MAGI1: variants seen among roughly 807,000 people sequenced by gnomAD.
MAGI1 encodes the protein membrane-associated guanylate kinase, WW and PDZ domain-containing protein 1.
MAGI1 carries 58 observed loss-of-function variants against 139.9 expected under a neutral mutation model. That is an observed-to-expected ratio of 0.41 (90% CI 0.34 to 0.52). The LOEUF (loss-of-function observed/expected upper bound fraction) is 0.52, where lower values mean the gene tolerates loss of function less well. Among genes scored for constraint, MAGI1 ranks in the 20% least tolerant of loss-of-function variants. The pLI, the probability that MAGI1 is intolerant of heterozygous loss-of-function variation, is 0.12. For missense variants in MAGI1, 1,874 were observed against 1,901.6 expected (o/e 0.99, Z 0.27); for synonymous variants, 812 against 737.9 (o/e 1.10, Z -1.63).
rs191922032 is a variant in MAGI1, at chr3:65,689,222, T to C, written c.314-67134A>G. On this transcript the variant is annotated intron_variant, in intron 1 of 22. Transcript: ENST00000402939. ...TACTTGATAAAGCATTCCACCTTAC[T>C]GCTTCTCACAAGGAAATATGCCTTA... 4.5e-3 allele frequency among the ~76,000 whole-genome samples: 689 copies of C among 152,336 alleles called. 3 individuals carry two copies. Among genetic ancestry groups the C allele is most frequent in the Non-Finnish European group, 7.3e-3 (498 of 68,028 alleles).
rs1287530432 is a variant in MAGI1, at chr3:65,943,572, C to CAA, written c.313+94422_313+94423dup. 1.5e-4 allele frequency among the ~76,000 whole-genome samples: 17 copies of CAA among 115,304 alleles called. No homozygotes were observed. In the East Asian group the frequency reaches 4.2e-3, roughly 29 times the overall value. The allele number at this position is 115,304 out of a possible 152,430, so 75.6% of individuals were successfully genotyped here. ...CAGGTGACAGTGCGAGACTCCATCT[C>CAA]AAAAAAAAAAAAAACTTCTCAGGAA... On this transcript the variant is annotated intron_variant, in intron 1 of 22. Coordinates refer to ENST00000402939, the MANE Select transcript of MAGI1 (RefSeq NM_001033057.2).
At chr3:65,903,810 C>A (rs1352703640) in intron 1 of MAGI1, among the ~76,000 whole-genome samples, 1 of 152,134 alleles carries the variant, frequency 6.6e-6, no homozygotes. Flanking sequence ...GAGGTCAAAA[C>A]CAGCCTGGCC....
chr3:65,366,938 A>C (rs1280666509), intron 18 of MAGI1, among the ~76,000 whole-genome samples: 1 of 152,216 alleles, frequency 6.6e-6, no homozygotes, highest in African/African-American at 2.4e-5. Flanking sequence ...AGGGCAGTTA[A>C]CCAGCAGAAC....
chr3:66,006,972 A>T (rs1322588648), intron 1 of MAGI1, among the ~76,000 whole-genome samples: 1 of 151,988 alleles, frequency 6.6e-6, no homozygotes, highest in East Asian at 1.9e-4. Context: ...CTAGAACTAC[A>T]GGTGCATGTC....
At chr3:65,589,981 A>G (rs1039962179) in intron 2 of MAGI1, among the ~76,000 whole-genome samples, 1 of 152,166 alleles carries the variant, frequency 6.6e-6, no homozygotes, top group African/African-American at 2.4e-5. Flanking sequence ...TTGCACACTC[A>G]ACGATCCATG....
chr3:65,388,424 G>T (rs1422449504), intron 14 of MAGI1, among the ~76,000 whole-genome samples: 1 of 151,944 alleles, frequency 6.6e-6, no homozygotes, highest in Non-Finnish European at 1.5e-5. Context: ...TTACTGTCTT[G>T]GGGGGAGGGG....
rs753587094 is a variant in MAGI1 at position 65,430,073 on chromosome 3, G to A, written c.1614C>T (p.Ile538=). ...TGGCACCAATGGGGATGGACTGGAA[G>A]ATCTTCACAACTTGAGCATGTGTGT... ...LGHTHAQVVK[I]FQSIPIGASV... The change falls in exon 12 of 23, where the codon ATC becomes ATT. Residue 538 remains isoleucine (I), a synonymous_variant. Coordinates refer to ENST00000402939, the MANE Select transcript of MAGI1 (RefSeq NM_001033057.2). 1 of 1,613,800 alleles carries A rather than the reference G, an allele frequency of 6.2e-7. No homozygotes were observed. Among genetic ancestry groups the A allele is most frequent in the East Asian group, 2.2e-5 (1 of 44,816 alleles).
intron 1 of MAGI1, among the ~76,000 whole-genome samples, chr3:65,974,841 T>C (rs561523878): frequency 6.6e-6 from 1 of 152,092 alleles, no homozygotes; most frequent in Non-Finnish European, 1.5e-5. Flanking sequence ...ATCCTGGAAG[T>C]GAAACGCCAT....
rs1349023983 is a variant in MAGI1, at chr3:65,356,579, G to A, written c.4188C>T (p.Ala1396=). The A allele has an allele frequency of 6.8e-6, 11 of 1,605,858 alleles. No individual in the cohort carries two copies. Among genetic ancestry groups the A allele is most frequent in the Non-Finnish European group, 9.3e-6 (11 of 1,178,264 alleles). Residue 1396 remains alanine (A), a synonymous_variant, in exon 23 of 23, where the codon GCC becomes GCT. Coordinates refer to ENST00000402939, the MANE Select transcript of MAGI1 (RefSeq NM_001033057.2). ...GTGCGCGCCTCCGGTCGGTGGACTT[G>A]GCCCTGCGCTCGGGCGAGCCCCCTC... is the stretch of plus-strand genomic sequence containing the variant. The part of the protein sequence containing the change: ...RRRGGSPERR[A]KSTDRRRARS...
chr3:65,846,976 C>CAAAAAAAAAAAAAAA lies in MAGI1; in HGVS notation c.313+191005_313+191019dup, dbSNP rs58391331. On this transcript the variant is annotated intron_variant, in intron 1 of 22. Coordinates refer to ENST00000402939, the MANE Select transcript of MAGI1 (RefSeq NM_001033057.2). Reference sequence around the variant, plus strand: ...GATTACAAAGAATAGCAATGTCTTACAAAAAAAAAAAAAAAAAAAACCCTA... The same window carrying CAAAAAAAAAAAAAAA: ...GATTACAAAGAATAGCAATGTCTTACAAAAAAAAAAAAAAAAAAAAAAAAAAAAAAAAAAACCCTA... Among the ~76,000 whole-genome samples the CAAAAAAAAAAAAAAA allele has an allele frequency of 5.2e-4, 42 of 80,964 alleles. 4 individuals are homozygous for CAAAAAAAAAAAAAAA. Among genetic ancestry groups the CAAAAAAAAAAAAAAA allele is most frequent in the African/African-American group, 1.8e-3 (36 of 20,248 alleles). 53.1% of individuals were successfully genotyped at this position (80,964 alleles called of 152,430 possible). A position where few individuals can be genotyped will look rare whatever the true frequency, so the allele number is the denominator to read the frequency against.
intron 2 of MAGI1, among the ~76,000 whole-genome samples, chr3:65,595,542 A>G (rs1025608522): frequency 6.6e-6 from 1 of 152,142 alleles, no homozygotes; most frequent in Admixed American, 6.5e-5. Flanking sequence ...GGGTGGTTTC[A>G]TATCAAACAC....
intron 4 of MAGI1, among the ~76,000 whole-genome samples, chr3:65,477,708 A>T (rs981816674): frequency 2.2e-3 from 253 of 114,192 alleles, no homozygotes; most frequent in South Asian, 4.9e-3. Flanking sequence ...TATTATTATT[A>T]TTATTTTTTT....
chr3:65,649,802 A>T (rs573236044), intron 1 of MAGI1, among the ~76,000 whole-genome samples: 1 of 152,194 alleles, frequency 6.6e-6, no homozygotes, highest in Non-Finnish European at 1.5e-5. Flanking sequence ...TTAAAACCAC[A>T]ATTAGCTATT....
intron 1 of MAGI1, among the ~76,000 whole-genome samples, chr3:65,914,420 C>T (rs892148551): frequency 1.3e-5 from 2 of 152,146 alleles, no homozygotes; most frequent in African/African-American, 2.4e-5. Flanking sequence ...CCATCAGGGG[C>T]CATGCAGATA....
chr3:65,641,287 C>T lies in MAGI1; in HGVS notation c.314-19199G>A, dbSNP rs147245397. ...GCTTACTCAGAGTGGAAGTGGCAAC[C>T]GAATGTTGTTACCTCTAAGACAGGG... On this transcript the variant is annotated intron_variant, in intron 1 of 22. Transcript: ENST00000402939. Among the ~76,000 whole-genome samples the T allele has an allele frequency of 1.0e-3, 157 of 152,174 alleles. 3 individuals carry two copies. In the East Asian group the frequency reaches 0.027, roughly 26 times the overall value.
chr3:65,597,773 T>G, intron 2 of MAGI1: 1 of 456,320 alleles, frequency 2.2e-6, no homozygotes, highest in South Asian at 1.5e-5. Context: ...CAGGGGGCGG[T>G]GGAGGGGTGG....
chr3:65,632,683 A>G (rs1024710587), intron 1 of MAGI1, among the ~76,000 whole-genome samples: 7 of 152,216 alleles, frequency 4.6e-5, no homozygotes, highest in African/African-American at 1.4e-4. Flanking sequence ...CAACTGCTCA[A>G]TTCTGCTTCT....
Position 65,728,469 on chromosome 3 carries a change from C to T in MAGI1, c.314-106381G>A, listed in dbSNP as rs528268991. ...TGATTTCTGTTGTTAAAAACAGCTG[C>T]TGCTGTGTGGGAAACAGCAAGAAGA... On this transcript the variant is annotated intron_variant, in intron 1 of 22. Transcript: ENST00000402939. 3.3e-5 allele frequency among the ~76,000 whole-genome samples: 5 copies of T among 152,298 alleles called. No homozygotes were observed. The South Asian group carries it at 1.0e-3, about 32-fold the overall frequency.
At position 65,357,131 on chromosome 3, in the gene MAGI1, G is replaced by A; in HGVS notation, c.3636C>T (p.Asp1212=). ...KRGDGSVPEY[D]PSSDRHGPAT... Reference sequence around the variant, plus strand: ...CGGGGCCGTGGCGGTCGCTGCTGGGGTCTGCCAGGAAAATAAACGAGAGCA... The same window carrying A: ...CGGGGCCGTGGCGGTCGCTGCTGGGATCTGCCAGGAAAATAAACGAGAGCA... Residue 1212 remains aspartate, a splice_region_variant and synonymous_variant, in exon 23 of 23, where the codon GAC becomes GAT. Coordinates refer to ENST00000402939, the MANE Select transcript of MAGI1 (RefSeq NM_001033057.2). 1 of 1,604,586 alleles carries A rather than the reference G, an allele frequency of 6.2e-7. No individual in the cohort carries two copies. The highest frequency in any genetic ancestry group is 1.1e-5 in the South Asian group (1 of 89,794).
Sources: gnomAD v4.1 joint callset for allele counts (sites outside exome capture counted in the v4.1 genomes callset) on GRCh38, gnomAD v4.1.1 for gene constraint, MANE v1.5 for transcripts, NCBI Gene and HGNC (gene_info 2026-07-23, HGNC 2026-07-21) for gene names.